CHRNA1: variants seen among roughly 807,000 people sequenced by gnomAD.
CHRNA1 encodes the protein cholinergic receptor nicotinic alpha 1 subunit.
In CHRNA1, 35 loss-of-function variants were observed where a neutral mutation model predicts 47.1. The observed-to-expected ratio is 0.74, with a 90% confidence interval of 0.57 to 0.99. CHRNA1 has a LOEUF of 0.99. Ranked by LOEUF, CHRNA1 falls within the 50% of genes least tolerant of loss-of-function variation. The probability of loss-of-function intolerance (pLI) is 0.00; values close to 1 mark genes in which losing one functional copy is unlikely to be tolerated. For synonymous variants in CHRNA1, 229 were observed against 223.6 expected (o/e 1.02, Z -0.22); for missense variants, 506 against 591.1 (o/e 0.86, Z 1.49).
At chr2:174,755,666 C>T (rs1312093181) in intron 4 of CHRNA1, among the ~76,000 whole-genome samples, 1 of 152,140 alleles carries the variant, frequency 6.6e-6, no homozygotes, top group Non-Finnish European at 1.5e-5. Flanking sequence ...GATCTGCCCG[C>T]CTCAGCCTCC....
Position 174,753,725 on chromosome 2 carries a change from C to G in CHRNA1, c.556G>C (p.Asp186His). Residue 186 changes from aspartate (D) to histidine (H), a missense_variant, in exon 6 of 9, where the codon GAC becomes CAC. Physicochemically the swap from Asp to His is moderately conservative, Grantham distance 81. Transcript: ENST00000348749. ...VAINPESDQP[D>H]LSNFMESGEW... ...CCGCTCTCCATGAAGTTGCTCAGGTCTGGCTGGTCGCTTTCCTGAGAAAGG... is the reference window on the plus strand; with the variant it reads ...CCGCTCTCCATGAAGTTGCTCAGGTGTGGCTGGTCGCTTTCCTGAGAAAGG... 1 of 1,614,078 alleles carries G rather than the reference C, an allele frequency of 6.2e-7. No individual in the cohort carries two copies. The highest frequency in any genetic ancestry group is 1.7e-5 in the Admixed American group (1 of 60,016).
At chr2:174,762,880 G>A (rs939203565) in intron 1 of CHRNA1, among the ~76,000 whole-genome samples, 1 of 152,200 alleles carries the variant, frequency 6.6e-6, no homozygotes, top group East Asian at 1.9e-4. Context: ...CCTGGGCTGG[G>A]CAAAAGAAAT....
At chr2:174,759,959 C>T (rs192626255) in intron 1 of CHRNA1, among the ~76,000 whole-genome samples, 8 of 138,302 alleles carry the variant, frequency 5.8e-5, no homozygotes, top group South Asian at 2.3e-4. Context: ...CACACACACA[C>T]GAAAAAAAAG....
intron 7 of CHRNA1, among the ~76,000 whole-genome samples, chr2:174,749,321 A>C (rs1683801119): frequency 6.6e-6 from 1 of 152,120 alleles, no homozygotes; most frequent in Non-Finnish European, 1.5e-5. Flanking sequence ...CTCTCCTCTT[A>C]AAAGAGTACA....
chr2:174,763,873 T>G (rs1386019927), intron 1 of CHRNA1, among the ~76,000 whole-genome samples: 1 of 152,208 alleles, frequency 6.6e-6, no homozygotes, highest in African/African-American at 2.4e-5. Context: ...CTGGTTTCTA[T>G]CTCCAGCACA....
intron 3 of CHRNA1, among the ~76,000 whole-genome samples, chr2:174,759,098 T>C (rs1420555818): frequency 6.6e-6 from 1 of 152,096 alleles, no homozygotes; most frequent in Non-Finnish European, 1.5e-5. Flanking sequence ...ATTTCTGTTG[T>C]TTAAGCCACA....
intron 4 of CHRNA1, among the ~76,000 whole-genome samples, chr2:174,754,945 GT>G (rs1309228193): frequency 5.4e-5 from 8 of 147,916 alleles, no homozygotes; most frequent in Non-Finnish European, 1.0e-4. Flanking sequence ...GAGTGCAATG[GT>G]GCAATCTTGG....
chr2:174,757,694 A>G lies in CHRNA1; in HGVS notation c.235-19T>C, dbSNP rs1287601157. On this transcript the variant is annotated intron_variant, in intron 3 of 8. Coordinates refer to ENST00000348749, the MANE Select transcript of CHRNA1 (RefSeq NM_000079.4). Reference sequence around the variant, plus strand: ...CCCATTGCTAGAAACAAAGACATACAGCTAATTAAAAAGCCAAAAACACTT... The same window carrying G: ...CCCATTGCTAGAAACAAAGACATACGGCTAATTAAAAAGCCAAAAACACTT... The G allele has an allele frequency of 2.5e-6, 4 of 1,603,158 alleles. No homozygotes were observed. Among genetic ancestry groups the G allele is most frequent in the African/African-American group, 1.3e-5 (1 of 74,820 alleles).
In CHRNA1 at chr2:174,754,159, T is replaced by C. The variant is rs570768100; in HGVS notation, c.540+60A>G. Reference sequence around the variant, plus strand: ...GAGCCTATGATTGTCCAAGGAAAAGTTGGAGACCCGAATCACAATTTTCCT... The same window carrying C: ...GAGCCTATGATTGTCCAAGGAAAAGCTGGAGACCCGAATCACAATTTTCCT... On this transcript the variant is annotated intron_variant, in intron 5 of 8. Coordinates refer to ENST00000348749, the MANE Select transcript of CHRNA1 (RefSeq NM_000079.4). 18 of 1,507,398 alleles carry C rather than the reference T, an allele frequency of 1.2e-5. No individual in the cohort carries two copies. In the East Asian group the frequency reaches 4.1e-4, roughly 34 times the overall value. The allele number at this position is 1,507,398 out of a possible 1,614,324, so 93.4% of individuals were successfully genotyped here.
Position 174,748,809 on chromosome 2 carries a change from T to A in CHRNA1, c.1013A>T (p.Asp338Val). Residue 338 changes from aspartate to valine, a missense_variant, in exon 8 of 9, where the codon GAC becomes GTC. Asp to Val is a radical substitution (Grantham distance 152). Transcript: ENST00000348749. ...GAAAAACATGATATTTGGGATAGTG[T>A]CGATAAAAACCTAACATAAAAAAGA... is the stretch of plus-strand genomic sequence containing the variant. ...MPNWVRKVFIDTIPNIMFFST... is the reference protein window; with the variant it reads ...MPNWVRKVFIVTIPNIMFFST... 1 of 1,614,090 alleles carries A rather than the reference T, an allele frequency of 6.2e-7. No homozygotes were observed. Among genetic ancestry groups the A allele is most frequent in the Non-Finnish European group, 8.5e-7 (1 of 1,180,026 alleles).
chr2:174,759,769 G>T, intron 1 of CHRNA1, 136 bp from the exon 2 acceptor site: 1 of 1,167,782 alleles, frequency 8.6e-7, no homozygotes, highest in Non-Finnish European at 1.2e-6. Context: ...CTTGTTGAAA[G>T]GCTCCCAAAT....
At chr2:174,757,932 G>A in intron 3 of CHRNA1, 1 of 1,388,986 alleles carries the variant, frequency 7.2e-7, no homozygotes, top group Non-Finnish European at 1.0e-6. Flanking sequence ...CGTGAGGGGA[G>A]GGTGATTACT....
At position 174,759,562 on chromosome 2, in the gene CHRNA1, C is replaced by T; in HGVS notation, c.115G>A (p.Val39Met). Residue 39 changes from valine (V) to methionine (M), a missense_variant, in exon 2 of 9, where the codon GTG becomes ATG. By Grantham distance (21) the Val-to-Met change is conservative. Coordinates refer to ENST00000348749, the MANE Select transcript of CHRNA1 (RefSeq NM_000079.4). ...AKLFKDYSSV[V>M]RPVEDHRQVV... is the part of the protein sequence containing the mutation. ...TGGCGGTGGTCTTCCACTGGCCGCA[C>T]CACGCTGCTGTAGTCTTTAAATAGC... 6 of 1,614,018 alleles carry T rather than the reference C, an allele frequency of 3.7e-6. No individual in the cohort carries two copies. The highest frequency in any genetic ancestry group is 1.7e-6 in the Non-Finnish European group (2 of 1,179,982).
At chr2:174,756,207 C>T (rs1530906) in intron 4 of CHRNA1, among the ~76,000 whole-genome samples, 115,991 of 152,144 alleles carry the variant, frequency 0.76, 46,894 homozygotes, top group East Asian at 0.94. Flanking sequence ...CCATTTCTGC[C>T]GGCCTTATTC....
In CHRNA1 at chr2:174,750,180, C is replaced by CA. The variant is rs67309103; in HGVS notation, c.779-12dup. 1,940 of 1,430,562 alleles carry CA rather than the reference C, an allele frequency of 1.4e-3. 12 individuals carry two copies. In the African/African-American group the frequency reaches 0.015, roughly 11 times the overall value. The allele number at this position is 1,430,562 out of a possible 1,614,324, so 88.6% of individuals were successfully genotyped here. ...GAGTCATCTTCTCCCCTGAAAAGAC[C>CA]AAAAAAAAAAAAAAAAATCCCACAA... On this transcript the variant is annotated splice_polypyrimidine_tract_variant and intron_variant, in intron 6 of 8. Coordinates refer to ENST00000348749, the MANE Select transcript of CHRNA1 (RefSeq NM_000079.4).
At chr2:174,754,510 A>G in intron 4 of CHRNA1, 96 bp from the exon 5 acceptor site, 1 of 1,034,948 alleles carries the variant, frequency 9.7e-7, no homozygotes, top group South Asian at 1.3e-5. Context: ...TTAATTATTC[A>G]GGTGCTAATT....
In CHRNA1 at chr2:174,761,980, G is replaced by A. The variant is rs555227153; in HGVS notation, c.44-2347C>T. On this transcript the variant is annotated intron_variant, in intron 1 of 8. Transcript: ENST00000348749. ...GGAAGAACATATTAGAAAGCAGAGG[G>A]CAGAGCAGATGGTCAGCATTATGTA... Among the ~76,000 whole-genome samples, 299 of 152,296 alleles carry A rather than the reference G, an allele frequency of 2.0e-3. 3 individuals are homozygous for A. The highest frequency in any genetic ancestry group is 6.8e-3 in the African/African-American group (283 of 41,558).
intron 3 of CHRNA1, among the ~76,000 whole-genome samples, chr2:174,758,398 G>A (rs1349435707): frequency 1.3e-5 from 2 of 152,140 alleles, no homozygotes; most frequent in East Asian, 3.8e-4. Context: ...GACAGAGTGA[G>A]ACTCTGTCTC....
Position 174,748,654 on chromosome 2 carries a change from G to A in CHRNA1, c.1168C>T (p.Pro390Ser). The A allele has an allele frequency of 6.2e-7, 1 of 1,614,166 alleles. No homozygotes were observed. The highest frequency in any genetic ancestry group is 8.5e-7 in the Non-Finnish European group (1 of 1,180,024). ...CCCTCGATGGCACTTTTCACCTCGG[G>A]GTGTTTGATCAGGGGAGAGTGGAAG... ...MGFHSPLIKH[P>S]EVKSAIEGIK... is the part of the protein sequence containing the mutation. Residue 390 changes from proline (P) to serine (S), a missense_variant, in exon 8 of 9, where the codon CCC (proline) becomes TCC (serine). Transcript: ENST00000348749.
Sources: allele counts gnomAD v4.1 joint callset (sites outside exome capture counted in the v4.1 genomes callset), GRCh38; gene constraint gnomAD v4.1.1; transcripts MANE v1.5; gene names NCBI Gene and HGNC (gene_info 2026-07-23, HGNC 2026-07-21).